Variants in PTOV1 observed in about 807,000 individuals in gnomAD.
PTOV1 encodes the protein PTOV1 extended AT-hook containing adaptor protein, also known as prostate tumor-overexpressed gene 1 protein.
Under a neutral mutation model 58.0 loss-of-function variants are expected in PTOV1, and 20 were observed. The observed-to-expected ratio is 0.34, with a 90% CI of 0.24 to 0.50. PTOV1 has a LOEUF of 0.50. Ranked by LOEUF, PTOV1 falls within the 20% of genes least tolerant of loss-of-function variation. The probability of loss-of-function intolerance (pLI) is 0.98; values close to 1 mark genes in which losing one functional copy is unlikely to be tolerated. For synonymous variants in PTOV1, 335 were observed against 234.2 expected (o/e 1.43, Z -3.93); for missense variants, 593 against 565.4 (o/e 1.05, Z -0.50).
chr19:49,859,626 A>C (rs2074656130), intron 10 of PTOV1, among the ~76,000 whole-genome samples: 1 of 151,738 alleles, frequency 6.6e-6, no homozygotes, highest in Admixed American at 6.6e-5. Flanking sequence ...CATGTACCTC[A>C]GCCCTTGCTT....
exon 11 of PTOV1, chr19:49,860,067 T>G (rs1386239633): frequency 6.2e-7 from 1 of 1,614,220 alleles, no homozygotes; most frequent in Non-Finnish European, 8.5e-7. Context: ...GAAGAAAATC[T>G]TCATTGGCCT....
chr19:49,852,000 C>G lies in PTOV1; in HGVS notation c.171+501C>G, dbSNP rs575270709. On this transcript the variant is annotated intron_variant, in intron 1 of 11. Transcript: ENST00000391842. ...GCGCACCTAGAATACGCGCCCGCGC[C>G]CACATGTGGGATGCTTTGATGGACT... 51 of 985,548 alleles carry G rather than the reference C, an allele frequency of 5.2e-5. No homozygotes were observed. In the African/African-American group the frequency reaches 6.3e-4, roughly 12 times the overall value. The allele number at this position is 985,548 out of a possible 1,614,324, so 61.1% of individuals were successfully genotyped here. A position where few individuals can be genotyped will look rare whatever the true frequency, so the allele number is the denominator to read the frequency against.
intron 1 of PTOV1, among the ~76,000 whole-genome samples, chr19:49,854,102 C>T (rs892284029): frequency 3.3e-5 from 5 of 152,220 alleles, no homozygotes; most frequent in Admixed American, 2.6e-4. Context: ...ATCGATCAGG[C>T]GCACAGCTGG....
At chr19:49,856,200 G>C (rs540859943) in intron 5 of PTOV1, 1 of 152,250 alleles carries the variant, frequency 6.6e-6, no homozygotes, top group Non-Finnish European at 1.5e-5. Context: ...TCTGGGCCCC[G>C]AGTACCCAGT....
At chr19:49,851,677 T>G in intron 1 of PTOV1, 178 bp downstream of exon 1, 59 of 1,040,844 alleles carry the variant, frequency 5.7e-5, no homozygotes, top group East Asian at 2.6e-4. Flanking sequence ...CGCCGCGCTC[T>G]CCCCTTTGTT....
At chr19:49,854,237 G>C (rs1238066130) in intron 1 of PTOV1, among the ~76,000 whole-genome samples, 169 bp from the exon 2 acceptor site, 1 of 152,224 alleles carries the variant, frequency 6.6e-6, no homozygotes, top group East Asian at 1.9e-4. Flanking sequence ...ATGAGGACCA[G>C]CGTGTGGGGG....
chr19:49,851,700 CG>C, intron 1 of PTOV1: 2 of 925,010 alleles, frequency 2.2e-6, no homozygotes, highest in Non-Finnish European at 2.6e-6. Context: ...GCGTTCGGGC[CG>C]GGGTGGGGGG....
intron 1 of PTOV1, 37 bp downstream of exon 1, chr19:49,851,536 C>G: frequency 9.5e-7 from 1 of 1,049,908 alleles, no homozygotes; most frequent in Non-Finnish European, 1.2e-6. Flanking sequence ...CCTTCCACGG[C>G]CCCGCCCCCC....
chr19:49,851,654 A>AC (rs1470233128), intron 1 of PTOV1, 155 bp downstream of exon 1: 1 of 1,090,010 alleles, frequency 9.2e-7, no homozygotes, highest in South Asian at 4.6e-5. Context: ...CCCGTGGAGC[A>AC]CCCGGTGGTT....
chr19:49,857,837 C>G, intron 7 of PTOV1, 55 bp downstream of exon 7: 7 of 1,612,258 alleles, frequency 4.3e-6, no homozygotes, highest in Non-Finnish European at 5.9e-6. Flanking sequence ...CGGACTGTGG[C>G]TGGGAGGGGA....
At chr19:49,851,059 C>CCGCTCCCGCCCGGGCCCCG, upstream of PTOV1, 2 of 1,484,658 alleles carry the variant, frequency 1.3e-6, no homozygotes, top group East Asian at 5.3e-5. Flanking sequence ...AGCCCACACT[C>CCGCTCCCGCCCGGGCCCCG]CGCTCCCGCC....
intron 7 of PTOV1, 30 bp downstream of exon 7, chr19:49,857,812 A>AC (rs1555807876): frequency 1.3e-5 from 21 of 1,613,078 alleles, no homozygotes; most frequent in Non-Finnish European, 1.7e-5. Context: ...GGGACTTGGG[A>AC]CCCCCAGATC....
chr19:49,851,388 C>T, exon 1 of PTOV1: 6 of 1,166,774 alleles, frequency 5.1e-6, no homozygotes, highest in Middle Eastern at 3.5e-4. Flanking sequence ...TCGGGGGTCG[C>T]GGCCGCCCTC....
At chr19:49,850,841 T>G, upstream of PTOV1, 1 of 1,535,026 alleles carries the variant, frequency 6.5e-7, no homozygotes. Context: ...CCTGATGTAT[T>G]TTGGCGCGGT....
At chr19:49,858,224 G>T in intron 9 of PTOV1, 110 bp downstream of exon 9, 1 of 1,345,524 alleles carries the variant, frequency 7.4e-7, no homozygotes, top group South Asian at 1.3e-5. Flanking sequence ...GTGAGGGAGC[G>T]GAGCTGAGGG....
intron 10 of PTOV1, 183 bp from the exon 11 acceptor site, chr19:49,859,803 A>AC: frequency 1.6e-6 from 1 of 642,698 alleles, no homozygotes; most frequent in Non-Finnish European, 2.7e-6. Context: ...CCTTTGGCCC[A>AC]CCCATTGCTC....
chr19:49,851,725 G>A (rs2074257298), intron 1 of PTOV1: 2 of 1,126,016 alleles, frequency 1.8e-6, no homozygotes, highest in African/African-American at 1.6e-5. Context: ...GGGGACGGGG[G>A]CGGGGCGGGC....
chr19:49,852,178 A>G (rs2074279264), intron 1 of PTOV1: 1 of 695,780 alleles, frequency 1.4e-6, no homozygotes, highest in Non-Finnish European at 1.8e-6. Flanking sequence ...TGCACCGTGC[A>G]CACGCTTGCC....
Position 49,854,507 on chromosome 19 carries a change from G to A in PTOV1, c.273G>A (p.Lys91=), listed in dbSNP as rs1194878194. 2.5e-6 allele frequency: 4 copies of A among 1,613,068 alleles called. No homozygotes were observed. The African/African-American group carries it at 4.0e-5, about 16-fold the overall frequency. Residue 91 remains lysine, a synonymous_variant, in exon 2 of 12, where the codon AAG becomes AAA. Transcript: ENST00000391842. ...TGAGCGAGCACCGGCTCAGCAACAA[G>A]CTGCTGGCTTGGAGCGGCGTCCTCG...
Sources: gnomAD v4.1 joint callset for allele counts (sites outside exome capture counted in the v4.1 genomes callset) on GRCh38, gnomAD v4.1.1 for gene constraint, MANE v1.5 for transcripts, NCBI Gene and HGNC (gene_info 2026-07-23, HGNC 2026-07-21) for gene names.